The following LMX1B variants were observed in gnomAD, a reference collection of about 807,000 sequenced individuals.
LMX1B encodes the protein LIM homeobox transcription factor 1 beta, also known as LIM homeobox transcription factor 1-beta.
In LMX1B, 12 loss-of-function variants were observed where a neutral mutation model predicts 51.4. The ratio of observed to expected loss-of-function variants is 0.23; its 90% confidence interval spans 0.15 to 0.38. The LOEUF (loss-of-function observed/expected upper bound fraction) is 0.38, where lower values mean the gene tolerates loss of function less well. Ranked by LOEUF, LMX1B falls within the 10% of genes least tolerant of loss-of-function variation. LMX1B has a pLI of 1.00. For missense variants in LMX1B, 445 were observed against 571.1 expected, an observed-to-expected ratio of 0.78 and a Z score of 2.25; for synonymous variants, 237 against 235.4, an observed-to-expected ratio of 1.01 and a Z score of -0.06.
intron 2 of LMX1B, among the ~76,000 whole-genome samples, chr9:126,675,051 G>T (rs1222770375): frequency 6.6e-6 from 1 of 152,196 alleles, no homozygotes; most frequent in African/African-American, 2.4e-5. Context: ...AGGTGCTGTT[G>T]TTCCAACGTA....
At chr9:126,689,369 G>A (rs914558620) in intron 2 of LMX1B, among the ~76,000 whole-genome samples, 5 of 152,352 alleles carry the variant, frequency 3.3e-5, no homozygotes, top group Admixed American at 6.5e-5. Flanking sequence ...TTCCAGAACC[G>A]ATTAGTAGAG....
intron 2 of LMX1B, among the ~76,000 whole-genome samples, chr9:126,663,553 C>G (rs1348093416): frequency 1.3e-5 from 2 of 152,190 alleles, no homozygotes; most frequent in African/African-American, 4.8e-5. Flanking sequence ...TCAGTTTTCT[C>G]ATTTATAAAA....
chr9:126,654,006 A>G (rs982897262), intron 2 of LMX1B, among the ~76,000 whole-genome samples: 3 of 151,948 alleles, frequency 2.0e-5, no homozygotes, highest in African/African-American at 4.8e-5. Context: ...GGTCTTGCCA[A>G]TCCACCCAGC....
intron 2 of LMX1B, 109 bp from the exon 3 acceptor site, chr9:126,690,727 C>T: frequency 3.2e-6 from 3 of 926,778 alleles, no homozygotes; most frequent in East Asian, 5.3e-5. Context: ...CCTCTCCCTC[C>T]CACCTGGGCC....
intron 2 of LMX1B, among the ~76,000 whole-genome samples, chr9:126,640,017 T>C (rs374105641): frequency 9.9e-5 from 15 of 152,256 alleles, no homozygotes; most frequent in African/African-American, 3.1e-4. Context: ...GATTTCTTTT[T>C]ATAATTCCTC....
chr9:126,649,537 G>T (rs1185629115), intron 2 of LMX1B, among the ~76,000 whole-genome samples: 1 of 152,220 alleles, frequency 6.6e-6, no homozygotes, highest in Non-Finnish European at 1.5e-5. Flanking sequence ...GTGAGTCTGG[G>T]CTGGGGCCCA....
intron 6 of LMX1B, 146 bp downstream of exon 6, chr9:126,693,958 C>T (rs2030242674): frequency 3.3e-6 from 2 of 599,184 alleles, no homozygotes; most frequent in South Asian, 3.9e-5. Flanking sequence ...TGTCCCAGGG[C>T]TAGGGACAAA....
intron 2 of LMX1B, among the ~76,000 whole-genome samples, chr9:126,616,194 A>C (rs1835300049): frequency 6.6e-6 from 1 of 152,226 alleles, no homozygotes. Context: ...AGGATCTCAA[A>C]AGGTGGCAAG....
chr9:126,680,964 T>A (rs1046701410), intron 2 of LMX1B, among the ~76,000 whole-genome samples: 1 of 152,048 alleles, frequency 6.6e-6, no homozygotes, highest in African/African-American at 2.4e-5. Flanking sequence ...GATGTGATGC[T>A]CCACCTCCTA....
intron 2 of LMX1B, among the ~76,000 whole-genome samples, chr9:126,651,584 C>A (rs377310000): frequency 6.6e-6 from 1 of 152,150 alleles, no homozygotes; most frequent in African/African-American, 2.4e-5. Flanking sequence ...CGCCTTAGCC[C>A]CAGGCAGGGC....
At position 126,671,220 on chromosome 9, in the gene LMX1B, G is replaced by A. The variant is rs552046586; in HGVS notation, c.327-19616G>A. Among the ~76,000 whole-genome samples the A allele has an allele frequency of 1.3e-5, 2 of 152,328 alleles. No homozygotes were observed. Among genetic ancestry groups the A allele is most frequent in the African/African-American group, 4.8e-5 (2 of 41,574 alleles). On this transcript the variant is annotated intron_variant, in intron 2 of 7. Coordinates refer to ENST00000373474, the MANE Select transcript of LMX1B (RefSeq NM_001174147.2). This position sits in a 1 kb window ranked among gnomAD's most constrained non-coding sequence, Gnocchi z 4.4. ...TCGCCACCGCCGAGCTCTGAGCTGGGGGGAGGGGACCCCGCTCGGAAATCG... is the reference window on the plus strand; with the variant it reads ...TCGCCACCGCCGAGCTCTGAGCTGGAGGGAGGGGACCCCGCTCGGAAATCG...
At chr9:126,624,701 A>G (rs1835486615) in intron 2 of LMX1B, among the ~76,000 whole-genome samples, 4 of 151,230 alleles carry the variant, frequency 2.6e-5, no homozygotes, top group African/African-American at 9.7e-5. Context: ...GCAGGGGGGA[A>G]ATGTGGTTGT....
At position 126,615,297 on chromosome 9, in the gene LMX1B, C is replaced by A. The variant is rs1222335081; in HGVS notation, c.140-86C>A. On this transcript the variant is annotated intron_variant, in intron 1 of 7. Transcript: ENST00000373474. The surrounding 1 kb of genome is among the most constrained non-coding windows in gnomAD (Gnocchi z 6.0). ...TCCCGGGCGGCCCGAGCCCTCGGGG[C>A]CGAGGGCTGTGGGCCCGGTGCGACC... 8.8e-7 allele frequency: 1 copy of A among 1,130,596 alleles called. No individual in the cohort carries two copies. Among genetic ancestry groups the A allele is most frequent in the Non-Finnish European group, 1.1e-6 (1 of 871,600 alleles). The allele number at this position is 1,130,596 out of a possible 1,614,324, so 70.0% of individuals were successfully genotyped here.
chr9:126,614,517 A>G lies in LMX1B; in HGVS notation c.68A>G (p.Lys23Arg), dbSNP rs1835262084. Residue 23 changes from lysine to arginine, a missense_variant, in exon 1 of 8, where the codon AAG becomes AGG. Physicochemically the swap from Lys to Arg is conservative, Grantham distance 26. Coordinates refer to ENST00000373474, the MANE Select transcript of LMX1B (RefSeq NM_001174147.2). ...CFPRGQTDCA[K>R]MLDGIKMEEH... ...CCTCGCGGGCAGACGGACTGCGCCA[A>G]GATGTTGGACGGCATCAAGATGGAG... The G allele has an allele frequency of 6.2e-7, 1 of 1,606,868 alleles. No homozygotes were observed. The highest frequency in any genetic ancestry group is 1.3e-5 in the African/African-American group (1 of 74,464).
chr9:126,632,636 G>T (rs1159291280), intron 2 of LMX1B, among the ~76,000 whole-genome samples: 1 of 152,192 alleles, frequency 6.6e-6, no homozygotes, highest in Non-Finnish European at 1.5e-5. Context: ...CACCTTGGAG[G>T]TGAGGGTAGT....
intron 3 of LMX1B, 61 bp downstream of exon 3, chr9:126,691,129 A>T (rs2030116408): frequency 7.3e-7 from 1 of 1,361,756 alleles, no homozygotes; most frequent in African/African-American, 1.4e-5. Context: ...GGTGTCCTGG[A>T]GGGGAGTCCC....
chr9:126,696,675 G>C lies in LMX1B; in HGVS notation c.*224G>C. 1.7e-6 allele frequency: 1 copy of C among 581,010 alleles called. No homozygotes were observed. Among genetic ancestry groups the C allele is most frequent in the Non-Finnish European group, 3.1e-6 (1 of 327,642 alleles). The allele number at this position is 581,010 out of a possible 1,614,324, so 36.0% of individuals were successfully genotyped here. On this transcript the variant is annotated 3_prime_UTR_variant, in exon 8 of 8. Coordinates refer to ENST00000373474, the MANE Select transcript of LMX1B (RefSeq NM_001174147.2). The stretch of plus-strand genomic sequence containing the variant: ...GCTGTGTCCTGCCCACAGAGACCTT[G>C]TCATCCCCAGGGACCCAGAGCTCTC...
chr9:126,663,335 G>A (rs1238438019), intron 2 of LMX1B, among the ~76,000 whole-genome samples: 1 of 150,202 alleles, frequency 6.7e-6, no homozygotes, highest in African/African-American at 2.5e-5. Flanking sequence ...TGAGGCAGGA[G>A]AATCACTTAA....
intron 2 of LMX1B, among the ~76,000 whole-genome samples, chr9:126,665,939 T>C (rs1185484801): frequency 6.6e-6 from 1 of 152,236 alleles, no homozygotes. Context: ...GCAGGCAGCA[T>C]GTGCGGAGAG....
Sources: allele counts gnomAD v4.1 joint callset (sites outside exome capture counted in the v4.1 genomes callset), GRCh38; gene constraint gnomAD v4.1.1; non-coding constraint Gnocchi (gnomAD v3.1); transcripts MANE v1.5; gene names NCBI Gene and HGNC (gene_info 2026-07-23, HGNC 2026-07-21).